Variants in AUTS2 observed in about 807,000 individuals in gnomAD.
AUTS2 encodes the protein autism susceptibility gene 2 protein.
A neutral mutation model predicts 112.4 loss-of-function variants in AUTS2; 17 were observed. The observed-to-expected ratio is 0.15, with a 90% confidence interval of 0.10 to 0.23. The LOEUF (loss-of-function observed/expected upper bound fraction) is 0.23, where lower values mean the gene tolerates loss of function less well. Among genes scored for constraint, AUTS2 ranks in the 10% least tolerant of loss-of-function variants. The probability of loss-of-function intolerance (pLI) is 1.00; values close to 1 mark genes in which losing one functional copy is unlikely to be tolerated. For missense variants in AUTS2, 1,510 were observed against 1,701.6 expected, an observed-to-expected ratio of 0.89 and a Z score of 1.98; for synonymous variants, 751 against 702.7, an observed-to-expected ratio of 1.07 and a Z score of -1.09.
chr7:70,749,843 T>C (rs1788690563), intron 6 of AUTS2, among the ~76,000 whole-genome samples: 1 of 152,210 alleles, frequency 6.6e-6, no homozygotes, highest in Non-Finnish European at 1.5e-5. Flanking sequence ...CAGTGAACTG[T>C]TGCCTATGGG....
At chr7:70,775,629 C>G (rs1790638703) in intron 13 of AUTS2, among the ~76,000 whole-genome samples, 1 of 151,754 alleles carries the variant, frequency 6.6e-6, no homozygotes, top group Admixed American at 6.6e-5. Flanking sequence ...AGTCCGATCT[C>G]TTGTTAGCAG....
In AUTS2 at chr7:70,326,812, G is replaced by A. The variant is rs149229531; in HGVS notation, c.661-108940G>A. On this transcript the variant is annotated intron_variant, in intron 4 of 18. Transcript: ENST00000342771. Reference sequence around the variant, plus strand: ...AGACATTGAATCCTCAAGTCACATTGGCATGCTTGTTGAGGCTTTTAAACG... The same window carrying A: ...AGACATTGAATCCTCAAGTCACATTAGCATGCTTGTTGAGGCTTTTAAACG... Among the ~76,000 whole-genome samples the A allele has an allele frequency of 2.6e-5, 4 of 152,124 alleles. No individual in the cohort carries two copies. The East Asian group carries it at 7.7e-4, about 29-fold the overall frequency.
chr7:70,022,579 C>A (rs778247958), intron 2 of AUTS2, among the ~76,000 whole-genome samples: 24 of 152,116 alleles, frequency 1.6e-4, no homozygotes, highest in Admixed American at 8.5e-4. Flanking sequence ...CATTGGCCTT[C>A]CAGAGTGCAG....
chr7:70,570,274 C>T (rs1801883690), intron 5 of AUTS2, among the ~76,000 whole-genome samples: 1 of 152,182 alleles, frequency 6.6e-6, no homozygotes, highest in African/African-American at 2.4e-5. Flanking sequence ...GATGATTGGA[C>T]CCATTTTGTA....
At chr7:69,712,997 T>C (rs554218391) in intron 1 of AUTS2, among the ~76,000 whole-genome samples, 1 of 152,364 alleles carries the variant, frequency 6.6e-6, no homozygotes, top group South Asian at 2.1e-4. Flanking sequence ...TTTCATGCTT[T>C]TGCTGTCCAT....
At chr7:70,515,523 G>T (rs1799379550) in intron 5 of AUTS2, among the ~76,000 whole-genome samples, 1 of 151,906 alleles carries the variant, frequency 6.6e-6, no homozygotes, top group Non-Finnish European at 1.5e-5. Flanking sequence ...TCATCCCTTG[G>T]CCACTCAAGT....
intron 4 of AUTS2, among the ~76,000 whole-genome samples, chr7:70,373,718 A>G (rs949739350): frequency 6.6e-6 from 1 of 152,234 alleles, no homozygotes; most frequent in Non-Finnish European, 1.5e-5. Context: ...TTCTCATTAC[A>G]AAATGAGTAA....
At chr7:70,310,133 C>CT (rs5884778) in intron 4 of AUTS2, among the ~76,000 whole-genome samples, 24,546 of 139,778 alleles carry the variant, frequency 0.18, 2,007 homozygotes, top group South Asian at 0.2. Context: ...CAAACTAAAT[C>CT]TTTTTTTTTT....
At chr7:69,730,534 G>A (rs1234658345) in intron 1 of AUTS2, among the ~76,000 whole-genome samples, 1 of 152,186 alleles carries the variant, frequency 6.6e-6, no homozygotes, top group Non-Finnish European at 1.5e-5. Flanking sequence ...TTCATATCTT[G>A]GGAGAGGAAT....
At chr7:69,710,982 C>T (rs1229751898) in intron 1 of AUTS2, among the ~76,000 whole-genome samples, 1 of 152,086 alleles carries the variant, frequency 6.6e-6, no homozygotes. Context: ...CTTTGCGTGT[C>T]GTGTCTTTTA....
intron 2 of AUTS2, among the ~76,000 whole-genome samples, chr7:69,964,730 T>C (rs991533809): frequency 1.9e-4 from 29 of 152,024 alleles, no homozygotes; most frequent in Non-Finnish European, 1.0e-4. Flanking sequence ...AGGAAATGGA[T>C]TGACATCTCT....
intron 4 of AUTS2, among the ~76,000 whole-genome samples, chr7:70,304,999 A>T (rs1159184016): frequency 6.6e-6 from 1 of 152,154 alleles, no homozygotes; most frequent in African/African-American, 2.4e-5. Context: ...TTTGTGGCAT[A>T]AGCATTCCAG....
chr7:69,619,679 C>T lies in AUTS2; in HGVS notation c.309+19717C>T, dbSNP rs775010611. On this transcript the variant is annotated intron_variant, in intron 1 of 18. Transcript: ENST00000342771. ...TGGCTCCATGCAGCACCTCCATCCC[C>T]GTCTGCCCACTCATTCATTCAACAA... is the stretch of plus-strand genomic sequence containing the variant. Among the ~76,000 whole-genome samples the T allele has an allele frequency of 3.3e-5, 5 of 152,170 alleles. No homozygotes were observed. The East Asian group carries it at 5.8e-4, about 18-fold the overall frequency.
chr7:69,817,043 A>G (rs1212980351), intron 1 of AUTS2, among the ~76,000 whole-genome samples: 1 of 152,192 alleles, frequency 6.6e-6, no homozygotes, highest in Non-Finnish European at 1.5e-5. Context: ...GCTGTTGTGG[A>G]GTCCTTTAAA....
intron 5 of AUTS2, among the ~76,000 whole-genome samples, chr7:70,633,890 A>C (rs575531253): frequency 3.9e-4 from 59 of 152,218 alleles, no homozygotes; most frequent in Non-Finnish European, 7.3e-4. Context: ...AGAAATGTTC[A>C]TCATTGTCGG....
intron 8 of AUTS2, among the ~76,000 whole-genome samples, chr7:70,765,842 C>A (rs78953764): frequency 6.6e-6 from 1 of 152,162 alleles, no homozygotes; most frequent in Non-Finnish European, 1.5e-5. Context: ...AGCTGGAAAT[C>A]GGACTTTGGC....
chr7:70,598,804 A>T (rs1452236556), intron 5 of AUTS2, among the ~76,000 whole-genome samples: 1 of 152,200 alleles, frequency 6.6e-6, no homozygotes, highest in African/African-American at 2.4e-5. Context: ...TGAGAATATG[A>T]GTCTGTAACC....
chr7:69,599,418 C>A lies in AUTS2; in HGVS notation c.-236C>A. 1 of 380,564 alleles carries A rather than the reference C, an allele frequency of 2.6e-6. No individual in the cohort carries two copies. The highest frequency in any genetic ancestry group is 4.6e-6 in the Non-Finnish European group (1 of 219,478). 23.6% of individuals were successfully genotyped at this position (380,564 alleles called of 1,614,324 possible). A position where few individuals can be genotyped will look rare whatever the true frequency, so the allele number is the denominator to read the frequency against. The stretch of plus-strand genomic sequence containing the variant: ...TGTGGGGAGCCCCACACTTGGGCTC[C>A]TCGCCTCTCGCCCTCGCTCCCCGTC... On this transcript the variant is annotated 5_prime_UTR_variant, in exon 1 of 19. Coordinates refer to ENST00000342771, the MANE Select transcript of AUTS2 (RefSeq NM_015570.4). This position sits in a 1 kb window ranked among gnomAD's most constrained non-coding sequence, Gnocchi z 7.0.
At chr7:70,612,209 T>C (rs910046085) in intron 5 of AUTS2, among the ~76,000 whole-genome samples, 2 of 152,234 alleles carry the variant, frequency 1.3e-5, no homozygotes, top group African/African-American at 2.4e-5. Context: ...TTTTATGTAT[T>C]CTGTGTTTGA....
Sources: allele counts gnomAD v4.1 joint callset (sites outside exome capture counted in the v4.1 genomes callset), GRCh38; gene constraint gnomAD v4.1.1; non-coding constraint Gnocchi (gnomAD v3.1); transcripts MANE v1.5; gene names NCBI Gene and HGNC (gene_info 2026-07-23, HGNC 2026-07-21).